The following STK32C variants were observed in gnomAD, a reference collection of about 807,000 sequenced individuals.
STK32C encodes the protein serine/threonine-protein kinase 32C.
STK32C carries 31 observed loss-of-function variants against 56.5 expected under a neutral mutation model. The observed-to-expected ratio is 0.55, with a 90% CI of 0.41 to 0.74. The LOEUF is 0.74. STK32C is among the 30% of genes least tolerant of loss of function. The pLI is 0.00. For missense variants in STK32C, 544 were observed against 676.9 expected (o/e 0.80, Z 2.18); for synonymous variants, 309 against 289.4 (o/e 1.07, Z -0.69).
At chr10:132,322,804 T>C (rs372162908), downstream of STK32C, among the ~76,000 whole-genome samples, 31 of 152,342 alleles carry the variant, frequency 2.0e-4, no homozygotes, top group East Asian at 5.6e-3. Context: ...TCCAGTGTCC[T>C]GGGGTGGAGG....
intron 1 of STK32C, among the ~76,000 whole-genome samples, chr10:132,305,681 G>A (rs2066037051): frequency 6.6e-6 from 1 of 152,092 alleles, no homozygotes; most frequent in South Asian, 2.1e-4. Context: ...CGAGTCCCCG[G>A]CATCCACACT....
At chr10:132,268,207 GCA>G (rs2064654140) in intron 1 of STK32C, among the ~76,000 whole-genome samples, 2 of 149,796 alleles carry the variant, frequency 1.3e-5, no homozygotes, top group African/African-American at 5.0e-5. Flanking sequence ...ATGCCTGTGT[GCA>G]TGCATGTCCC....
chr10:132,232,788 GCGCCACCCGGAGCCC>G (rs1332518591), intron 2 of STK32C, among the ~76,000 whole-genome samples: 14 of 137,100 alleles, frequency 1.0e-4, no homozygotes, highest in Non-Finnish European at 1.8e-4. Context: ...GGAGGCCACA[GCGCCACCCGGAGCCC>G]TGGGCTTTTC....
At chr10:132,222,517 G>GA (rs2062714739) in intron 10 of STK32C, 124 bp downstream of exon 10, 4 of 1,284,784 alleles carry the variant, frequency 3.1e-6, no homozygotes, top group Admixed American at 2.6e-5. Flanking sequence ...AGGACTTCAG[G>GA]AAACGGTCTG....
At chr10:132,249,478 C>G (rs1277714584) in intron 1 of STK32C, among the ~76,000 whole-genome samples, 1 of 152,148 alleles carries the variant, frequency 6.6e-6, no homozygotes, top group East Asian at 1.9e-4. Flanking sequence ...CTGGGCAGGG[C>G]TCACCGCACC....
intron 1 of STK32C, chr10:132,249,057 A>C (rs779791806): frequency 2.1e-6 from 1 of 476,686 alleles, no homozygotes; most frequent in East Asian, 6.3e-5. Flanking sequence ...TGTGCGACGG[A>C]GGCGGCGGCT....
At chr10:132,269,359 A>G (rs2064739627) in intron 1 of STK32C, among the ~76,000 whole-genome samples, 1 of 152,208 alleles carries the variant, frequency 6.6e-6, no homozygotes, top group African/African-American at 2.4e-5. Flanking sequence ...GGAGCCTGGA[A>G]AATCTGCTGC....
chr10:132,297,463 A>G (rs2065785952), intron 1 of STK32C, among the ~76,000 whole-genome samples: 1 of 151,992 alleles, frequency 6.6e-6, no homozygotes, highest in South Asian at 2.1e-4. Flanking sequence ...TGGGCCACGC[A>G]CTCTGGGGCT....
At chr10:132,246,650 A>T (rs959896618) in intron 1 of STK32C, among the ~76,000 whole-genome samples, 5 of 152,128 alleles carry the variant, frequency 3.3e-5, no homozygotes, top group African/African-American at 1.2e-4. Context: ...GGCTCCCCTA[A>T]TTGTCACTCG....
intron 1 of STK32C, among the ~76,000 whole-genome samples, chr10:132,300,199 C>A (rs1385455699): frequency 2.6e-5 from 4 of 152,226 alleles, no homozygotes; most frequent in African/African-American, 9.6e-5. Flanking sequence ...GCAAAGTCAA[C>A]TTTCTAAATC....
chr10:132,239,565 G>A (rs986796538), intron 2 of STK32C, among the ~76,000 whole-genome samples: 3 of 152,238 alleles, frequency 2.0e-5, no homozygotes, highest in Admixed American at 2.0e-4. Flanking sequence ...CCCTGAGCGG[G>A]GTGGCCAGGC....
intron 1 of STK32C, among the ~76,000 whole-genome samples, chr10:132,262,523 T>C (rs2064336599): frequency 6.6e-6 from 1 of 152,022 alleles, no homozygotes; most frequent in African/African-American, 2.4e-5. Flanking sequence ...GGAGAAAATA[T>C]TCACAAACTA....
chr10:132,254,091 C>T (rs1017478013), intron 1 of STK32C, among the ~76,000 whole-genome samples: 4 of 152,170 alleles, frequency 2.6e-5, no homozygotes, highest in Admixed American at 6.5e-5. Flanking sequence ...AGGTGGATCA[C>T]GAGGTCAGGA....
At chr10:132,253,262 T>C (rs2063970831) in intron 1 of STK32C, among the ~76,000 whole-genome samples, 1 of 152,206 alleles carries the variant, frequency 6.6e-6, no homozygotes, top group Admixed American at 6.5e-5. Context: ...CCCAACCACA[T>C]GTCTGCCTGG....
chr10:132,329,068 G>A (rs745552213), intron 1 of STK32C, among the ~76,000 whole-genome samples: 9 of 152,204 alleles, frequency 5.9e-5, no homozygotes, highest in African/African-American at 1.7e-4. Context: ...GGTAAATTCC[G>A]CCCAGGGGAG....
At chr10:132,288,364 A>C (rs1332832009) in intron 1 of STK32C, among the ~76,000 whole-genome samples, 1 of 152,272 alleles carries the variant, frequency 6.6e-6, no homozygotes, top group Non-Finnish European at 1.5e-5. Flanking sequence ...GAACTTCATC[A>C]ACATTTAAAA....
intron 10 of STK32C, among the ~76,000 whole-genome samples, chr10:132,209,678 C>T (rs1392777247): frequency 6.5e-5 from 6 of 91,636 alleles, no homozygotes; most frequent in African/African-American, 1.7e-4. Context: ...CGGGGGAGGG[C>T]GTGGGTGGGG....
chr10:132,233,439 G>C (rs1477297301), intron 2 of STK32C, among the ~76,000 whole-genome samples: 3 of 152,228 alleles, frequency 2.0e-5, no homozygotes, highest in African/African-American at 7.2e-5. Flanking sequence ...CTAACGCGGT[G>C]AGTGGGAATC....
At chr10:132,330,256 G>A (rs2066622277) in intron 1 of STK32C, 3 of 567,430 alleles carry the variant, frequency 5.3e-6, no homozygotes, top group Admixed American at 3.0e-5. Context: ...AAAAACCTGA[G>A]GCAACAATAA....
Sources: gnomAD v4.1 joint callset for allele counts (sites outside exome capture counted in the v4.1 genomes callset) on GRCh38, gnomAD v4.1.1 for gene constraint, MANE v1.5 for transcripts, NCBI Gene and HGNC (gene_info 2026-07-23, HGNC 2026-07-21) for gene names.